NUGGC: variants seen among roughly 807,000 people sequenced by gnomAD.
NUGGC encodes the protein nuclear GTPase, germinal center associated.
A neutral mutation model predicts 92.6 loss-of-function variants in NUGGC; 58 were observed. The ratio of observed to expected loss-of-function variants is 0.63; its 90% CI spans 0.51 to 0.78. NUGGC has a LOEUF of 0.78. NUGGC is among the 30% of genes least tolerant of loss of function. The pLI is 0.00. For missense variants in NUGGC, 925 were observed against 964.6 expected, an observed-to-expected ratio of 0.96 and a Z score of 0.54; for synonymous variants, 376 against 366.4, an observed-to-expected ratio of 1.03 and a Z score of -0.30.
Position 28,034,771 on chromosome 8 carries a change from C to T in NUGGC, c.1612-1074G>A, listed in dbSNP as rs888958720. On this transcript the variant is annotated intron_variant, in intron 13 of 18. Transcript: ENST00000413272. ...GGCAGAGGTTGCAGTGAGCCGAGAT[C>T]GCAGCACTGCACTCCAGCCTGGGCA... Among the ~76,000 whole-genome samples, 6 of 151,992 alleles carry T rather than the reference C, an allele frequency of 3.9e-5. No homozygotes were observed. The South Asian group carries it at 6.2e-4, about 16-fold the overall frequency.
chr8:28,059,792 C>T (rs1156355575), intron 8 of NUGGC, among the ~76,000 whole-genome samples: 1 of 152,128 alleles, frequency 6.6e-6, no homozygotes, highest in Non-Finnish European at 1.5e-5. Context: ...GAGGCCAAGG[C>T]GGGCAGATCA....
chr8:28,030,883 A>G (rs954661135), intron 15 of NUGGC, among the ~76,000 whole-genome samples: 1 of 152,236 alleles, frequency 6.6e-6, no homozygotes. Context: ...ATCGGATGCT[A>G]CTTTGTAACA....
intron 12 of NUGGC, among the ~76,000 whole-genome samples, chr8:28,041,780 A>G (rs757654213): frequency 6.6e-6 from 1 of 152,198 alleles, no homozygotes. Flanking sequence ...CAGGACCACA[A>G]AAATAAATCC....
At position 28,067,480 on chromosome 8, in the gene NUGGC, G is replaced by A. The variant is rs1301611415; in HGVS notation, c.711+34C>T. The A allele has an allele frequency of 4.3e-6, 6 of 1,379,526 alleles. No homozygotes were observed. The South Asian group carries it at 7.4e-5, about 17-fold the overall frequency. 85.5% of individuals were successfully genotyped at this position (1,379,526 alleles called of 1,614,324 possible). A position where few individuals can be genotyped will look rare whatever the true frequency, so the allele number is the denominator to read the frequency against. On this transcript the variant is annotated intron_variant, in intron 6 of 18. Coordinates refer to ENST00000413272, the MANE Select transcript of NUGGC (RefSeq NM_001010906.2). ...TTCAACTGTTAGACTTGAGACCCAG[G>A]ATGAAATCAAGGAAAAAACGAACTT...
At position 28,023,195 on chromosome 8, in the gene NUGGC, G is replaced by A; in HGVS notation, c.*122C>T. 1 of 1,067,228 alleles carries A rather than the reference G, an allele frequency of 9.4e-7. No homozygotes were observed. Among genetic ancestry groups the A allele is most frequent in the South Asian group, 1.6e-5 (1 of 61,002 alleles). 66.1% of individuals were successfully genotyped at this position (1,067,228 alleles called of 1,614,324 possible). ...CGAGGCTGCAGTGAGCTGTGATGGT[G>A]CCACTGCACTCCAGCCTGGGCAACA... On this transcript the variant is annotated 3_prime_UTR_variant, in exon 19 of 19. Transcript: ENST00000413272.
At position 28,073,413 on chromosome 8, in the gene NUGGC, G is replaced by C. The variant is rs116041005; in HGVS notation, c.43+955C>G. Among the ~76,000 whole-genome samples the C allele has an allele frequency of 7.7e-3, 1,175 of 152,110 alleles. 29 individuals are homozygous for C. Among genetic ancestry groups the C allele is most frequent in the African/African-American group, 0.027 (1,121 of 41,492 alleles). On this transcript the variant is annotated intron_variant, in intron 2 of 18. Transcript: ENST00000413272. ...CAGCTCTTCCTATATGCCTGCTCAG[G>C]CTTGCTTCAGATGCTAGCATCACCC...
chr8:28,033,964 A>G (rs796492400), intron 13 of NUGGC, among the ~76,000 whole-genome samples: 7 of 152,314 alleles, frequency 4.6e-5, no homozygotes, highest in African/African-American at 1.7e-4. Context: ...TAGTTTACTC[A>G]TTTGTCCGGC....
rs1033853772 is a variant in NUGGC at position 28,022,105 on chromosome 8, G to GT, written c.*1211dup. On this transcript the variant is annotated 3_prime_UTR_variant, in exon 19 of 19. Coordinates refer to ENST00000413272, the MANE Select transcript of NUGGC (RefSeq NM_001010906.2). Reference sequence around the variant, plus strand: ...GCAATGTTTTTTCTATAATGTTTAAGTTTTTTTATGTATGGGTGTGTGTGT... The same window carrying GT: ...GCAATGTTTTTTCTATAATGTTTAAGTTTTTTTTATGTATGGGTGTGTGTGT... The GT allele has an allele frequency of 2.2e-5, 3 of 138,138 alleles. No individual in the cohort carries two copies. The highest frequency in any genetic ancestry group is 4.8e-5 in the Non-Finnish European group (3 of 63,048). 8.6% of individuals were successfully genotyped at this position (138,138 alleles called of 1,614,324 possible). A position where few individuals can be genotyped will look rare whatever the true frequency, so the allele number is the denominator to read the frequency against.
At chr8:28,070,606 G>T (rs1336991994) in intron 2 of NUGGC, among the ~76,000 whole-genome samples, 3 of 148,424 alleles carry the variant, frequency 2.0e-5, no homozygotes, top group Non-Finnish European at 3.0e-5. Flanking sequence ...TTTTTTTTTT[G>T]GTAGAGACAG....
At chr8:28,071,621 G>A (rs192298410) in intron 2 of NUGGC, among the ~76,000 whole-genome samples, 39 of 152,266 alleles carry the variant, frequency 2.6e-4, no homozygotes, top group East Asian at 7.7e-4. Flanking sequence ...GTTTCCCTTG[G>A]TTATGAAGTG....
At chr8:28,034,804 C>A (rs138795972) in intron 13 of NUGGC, among the ~76,000 whole-genome samples, 3 of 151,674 alleles carry the variant, frequency 2.0e-5, no homozygotes, top group Admixed American at 6.6e-5. Context: ...GCAACAAGAG[C>A]GAAACTCCAA....
chr8:28,032,517 A>T (rs975583592), intron 14 of NUGGC, among the ~76,000 whole-genome samples: 4 of 152,000 alleles, frequency 2.6e-5, no homozygotes, highest in Non-Finnish European at 5.9e-5. Context: ...GGAGATCAAG[A>T]CCATCCTGGC....
At chr8:28,045,383 CT>C in intron 12 of NUGGC, 143 bp downstream of exon 12, 1 of 712,842 alleles carries the variant, frequency 1.4e-6, no homozygotes. Context: ...CTCTAATTAT[CT>C]TTTTGTCCTT....
intron 14 of NUGGC, 122 bp downstream of exon 14, chr8:28,033,418 G>T: frequency 1.0e-6 from 1 of 968,190 alleles, no homozygotes; most frequent in Non-Finnish European, 1.5e-6. Flanking sequence ...AAGGACTAAG[G>T]TTTCCTTCTC....
chr8:28,048,860 CAAA>C lies in NUGGC; in HGVS notation c.1207-1251_1207-1249del, dbSNP rs60050826. The stretch of plus-strand genomic sequence containing the variant: ...CCTGGGTGACAGAGAGATTCCATCT[CAAA>C]AAAAAAAAAAAAAAAAAGTCAAGCA... On this transcript the variant is annotated intron_variant, in intron 10 of 18. Coordinates refer to ENST00000413272, the MANE Select transcript of NUGGC (RefSeq NM_001010906.2). 9.5e-3 allele frequency among the ~76,000 whole-genome samples: 1,038 copies of C among 109,368 alleles called. 14 individuals carry two copies. The highest frequency in any genetic ancestry group is 0.033 in the African/African-American group (976 of 29,370). The allele number at this position is 109,368 out of a possible 152,430, so 71.7% of individuals were successfully genotyped here. A position where few individuals can be genotyped will look rare whatever the true frequency, so the allele number is the denominator to read the frequency against.
At chr8:28,078,727 C>A (rs1275759588) in intron 1 of NUGGC, among the ~76,000 whole-genome samples, 1 of 152,146 alleles carries the variant, frequency 6.6e-6, no homozygotes, top group African/African-American at 2.4e-5. Flanking sequence ...AAGAGCAGTA[C>A]ACCAAGAGCA....
intron 12 of NUGGC, 46 bp from the exon 13 acceptor site, chr8:28,041,261 G>A (rs575372214): frequency 3.8e-6 from 6 of 1,559,480 alleles, no homozygotes; most frequent in Non-Finnish European, 5.2e-6. Flanking sequence ...CCTCCCTAAG[G>A]GCACCTTCTC....
At position 28,068,261 on chromosome 8, in the gene NUGGC, G is replaced by A; in HGVS notation, c.435C>T (p.Gly145=). ...CTSCIVQVSS[G]CCVQYEAKIH... ...TTTTGGCCTCATACTGCACACAGCA[G>A]CCAGAGCTCACTTGTACAATGCAGG... The change falls in exon 5 of 19, where the codon GGC becomes GGT. Residue 145 remains glycine, a synonymous_variant. Transcript: ENST00000413272. 4.5e-6 allele frequency: 7 copies of A among 1,550,618 alleles called. No homozygotes were observed. Among genetic ancestry groups the A allele is most frequent in the Non-Finnish European group, 6.1e-6 (7 of 1,147,078 alleles).
At chr8:28,035,134 A>G (rs1444671432) in intron 13 of NUGGC, among the ~76,000 whole-genome samples, 1 of 152,198 alleles carries the variant, frequency 6.6e-6, no homozygotes, top group East Asian at 1.9e-4. Flanking sequence ...TTCTGCTCAC[A>G]GCAAACTCTC....
Sources: gnomAD v4.1 joint callset for allele counts (sites outside exome capture counted in the v4.1 genomes callset) on GRCh38, gnomAD v4.1.1 for gene constraint, MANE v1.5 for transcripts, NCBI Gene and HGNC (gene_info 2026-07-23, HGNC 2026-07-21) for gene names.